Variants in WWTR1 observed in about 807,000 individuals in gnomAD.
The protein encoded by WWTR1 is WW domain-containing transcription regulator protein 1.
In WWTR1, 13 loss-of-function variants were observed where a neutral mutation model predicts 40.1. That is an observed-to-expected ratio of 0.32 (90% CI 0.21 to 0.52). The LOEUF is 0.52. Among genes scored for constraint, WWTR1 ranks in the 20% least tolerant of loss-of-function variants. WWTR1 has a pLI of 0.97. For missense variants in WWTR1, 436 were observed against 523.1 expected (o/e 0.83, Z 1.63); for synonymous variants, 230 against 210.1 (o/e 1.09, Z -0.82).
chr3:149,644,118 C>A (rs780118279), intron 2 of WWTR1, among the ~76,000 whole-genome samples: 4 of 152,158 alleles, frequency 2.6e-5, no homozygotes, highest in Non-Finnish European at 4.4e-5. Context: ...GCTCCCAGTA[C>A]GGCTTGCTAC....
At chr3:149,724,422 C>A (rs1451451875) in intron 3 of WWTR1, among the ~76,000 whole-genome samples, 1 of 151,572 alleles carries the variant, frequency 6.6e-6, no homozygotes, top group Non-Finnish European at 1.5e-5. Context: ...TAATATTTGA[C>A]TAAATTAACA....
At chr3:149,687,706 G>A (rs766703758) in intron 1 of WWTR1, among the ~76,000 whole-genome samples, 14 of 152,184 alleles carry the variant, frequency 9.2e-5, no homozygotes, top group South Asian at 2.1e-4. Flanking sequence ...GACAGCTTCC[G>A]CTAGAAGAAA....
rs955386476 is a variant in WWTR1, at chr3:149,519,255, T to C, written c.*1550A>G. 5.9e-5 allele frequency: 9 copies of C among 152,228 alleles called. No individual in the cohort carries two copies. The highest frequency in any genetic ancestry group is 4.4e-5 in the Non-Finnish European group (3 of 68,046). The allele number at this position is 152,228 out of a possible 1,614,324, so 9.4% of individuals were successfully genotyped here. On this transcript the variant is annotated 3_prime_UTR_variant, in exon 7 of 7. Transcript: ENST00000360632. ...ATGGTTTTGGTTACATAAGAGGTATTGAATACATATTTCATGCCTTTTTAT... is the reference window on the plus strand; with the variant it reads ...ATGGTTTTGGTTACATAAGAGGTATCGAATACATATTTCATGCCTTTTTAT...
chr3:149,596,984 C>A (rs558658834), intron 2 of WWTR1, among the ~76,000 whole-genome samples: 1 of 152,236 alleles, frequency 6.6e-6, no homozygotes, highest in East Asian at 1.9e-4. Flanking sequence ...AGAAAACTAT[C>A]AATAAATATT....
At chr3:149,639,922 A>C (rs2108124492) in intron 2 of WWTR1, among the ~76,000 whole-genome samples, 1 of 136,890 alleles carries the variant, frequency 7.3e-6, no homozygotes, top group South Asian at 2.6e-4. Context: ...TGAACCTGGG[A>C]GGTGGAGCTT....
chr3:149,517,531 G>C lies in WWTR1; in HGVS notation c.*3274C>G, dbSNP rs1235122501. The C allele has an allele frequency of 6.6e-6, 1 of 151,842 alleles. No homozygotes were observed. Among genetic ancestry groups the C allele is most frequent in the Non-Finnish European group, 1.5e-5 (1 of 67,976 alleles). 9.4% of individuals were successfully genotyped at this position (151,842 alleles called of 1,614,324 possible). On this transcript the variant is annotated 3_prime_UTR_variant, in exon 7 of 7. Transcript: ENST00000360632. The stretch of plus-strand genomic sequence containing the variant: ...ACAGCTTATTTTTTTCATAAAAGTT[G>C]TACTTTGAGAAGTTACTTTCTAATT...
intron 5 of WWTR1, among the ~76,000 whole-genome samples, chr3:149,715,493 C>A (rs908822236): frequency 6.6e-6 from 1 of 152,228 alleles, no homozygotes; most frequent in Non-Finnish European, 1.5e-5. Context: ...GCGCAGTGGC[C>A]GGATCCCACG....
At chr3:149,543,008 C>A (rs1470558523) in intron 3 of WWTR1, among the ~76,000 whole-genome samples, 1 of 152,084 alleles carries the variant, frequency 6.6e-6, no homozygotes. Context: ...ACATGTAACA[C>A]AAAGCACCTA....
chr3:149,705,981 C>T (rs1044295878), upstream of WWTR1, among the ~76,000 whole-genome samples: 2 of 152,070 alleles, frequency 1.3e-5, no homozygotes, highest in African/African-American at 4.8e-5. Context: ...TGCTTGAGTC[C>T]AGGAGTTTGA....
chr3:149,572,295 AAAAAAAGG>A (rs915990030), intron 3 of WWTR1, among the ~76,000 whole-genome samples: 20 of 152,310 alleles, frequency 1.3e-4, no homozygotes, highest in Non-Finnish European at 2.5e-4. Flanking sequence ...CAATTATGAA[AAAAAAAGG>A]AAAAAAGGGA....
At chr3:149,583,737 G>A (rs1288977056) in intron 2 of WWTR1, among the ~76,000 whole-genome samples, 4 of 152,126 alleles carry the variant, frequency 2.6e-5, no homozygotes, top group South Asian at 4.2e-4. Context: ...ATGAATTCAC[G>A]ACACTTCAAC....
rs567224471 is a variant in WWTR1, at chr3:149,680,774, T to A, written c.-107-10883A>T. ...GGAGGATTGCTTGAGCCCAGGAGTT[T>A]GGGGCTGCAGTGAGCTATGACCATG... On this transcript the variant is annotated intron_variant, in intron 1 of 7. Transcript: ENST00000465804. Among the ~76,000 whole-genome samples, 4 of 151,876 alleles carry A rather than the reference T, an allele frequency of 2.6e-5. No individual in the cohort carries two copies. In the East Asian group the frequency reaches 7.7e-4, roughly 29 times the overall value.
chr3:149,524,194 C>A (rs1305127553), intron 6 of WWTR1, among the ~76,000 whole-genome samples: 13 of 152,132 alleles, frequency 8.5e-5, no homozygotes, highest in Admixed American at 8.5e-4. Context: ...AATCAGGCTG[C>A]CTGTTGGCTA....
At chr3:149,641,677 C>A (rs1338215602) in intron 2 of WWTR1, among the ~76,000 whole-genome samples, 4 of 152,218 alleles carry the variant, frequency 2.6e-5, no homozygotes, top group Non-Finnish European at 4.4e-5. Flanking sequence ...TGGGATCTAA[C>A]CTTTAAAATC....
At chr3:149,633,743 G>A (rs186865156) in intron 2 of WWTR1, among the ~76,000 whole-genome samples, 12 of 152,230 alleles carry the variant, frequency 7.9e-5, no homozygotes, top group African/African-American at 2.6e-4. Context: ...ATGAACTGAT[G>A]GAGGGTCAGG....
intron 1 of WWTR1, among the ~76,000 whole-genome samples, chr3:149,700,337 C>A (rs1368536297): frequency 6.6e-6 from 1 of 151,960 alleles, no homozygotes; most frequent in African/African-American, 2.4e-5. Flanking sequence ...AAAAAGAAAA[C>A]CCCTCCACTA....
chr3:149,720,584 T>C (rs1715730880), intron 4 of WWTR1, among the ~76,000 whole-genome samples: 1 of 152,122 alleles, frequency 6.6e-6, no homozygotes, highest in Admixed American at 6.5e-5. Flanking sequence ...TCTTTTAGGA[T>C]TATTTTGACT....
intron 4 of WWTR1, among the ~76,000 whole-genome samples, chr3:149,538,747 T>TCAGTTC (rs1286539555): frequency 1.3e-5 from 2 of 152,224 alleles, no homozygotes; most frequent in African/African-American, 2.4e-5. Context: ...GCATCTGGTC[T>TCAGTTC]CAGTTCCAGT....
intron 2 of WWTR1, among the ~76,000 whole-genome samples, chr3:149,598,011 T>C (rs1739079350): frequency 6.6e-6 from 1 of 152,156 alleles, no homozygotes; most frequent in Non-Finnish European, 1.5e-5. Flanking sequence ...AAGCAGCATC[T>C]GTACTCAAGT....
Sources: gnomAD v4.1 joint callset for allele counts (sites outside exome capture counted in the v4.1 genomes callset) on GRCh38, gnomAD v4.1.1 for gene constraint, MANE v1.5 for transcripts, NCBI Gene and HGNC (gene_info 2026-07-23, HGNC 2026-07-21) for gene names.